The following ADGRB3 variants were observed in gnomAD, a reference collection of about 807,000 sequenced individuals.
The protein encoded by ADGRB3 is brain-specific angiogenesis inhibitor 3.
In ADGRB3, 37 loss-of-function variants were observed where a neutral mutation model predicts 193.4. The ratio of observed to expected loss-of-function variants is 0.19; its 90% CI spans 0.15 to 0.25. The LOEUF (loss-of-function observed/expected upper bound fraction) is 0.25, where lower values mean the gene tolerates loss of function less well. ADGRB3 is among the 10% of genes least tolerant of loss of function. The pLI is 1.00. For synonymous variants in ADGRB3, 690 were observed against 644.2 expected, an observed-to-expected ratio of 1.07 and a Z score of -1.08; for missense variants, 1,637 against 1,852.9, an observed-to-expected ratio of 0.88 and a Z score of 2.14.
chr6:68,706,226 A>G lies in ADGRB3; in HGVS notation c.757+66794A>G, dbSNP rs535626858. 3.9e-5 allele frequency among the ~76,000 whole-genome samples: 6 copies of G among 152,254 alleles called. No homozygotes were observed. In the East Asian group the frequency reaches 1.2e-3, roughly 29 times the overall value. On this transcript the variant is annotated intron_variant, in intron 3 of 31. Coordinates refer to ENST00000370598, the MANE Select transcript of ADGRB3 (RefSeq NM_001704.3). ...CCCCAAAGGAGCAAAGAGAAGAAGGAACATTATAGGGTCTGGGACTTAGAG... is the reference window on the plus strand; with the variant it reads ...CCCCAAAGGAGCAAAGAGAAGAAGGGACATTATAGGGTCTGGGACTTAGAG...
At chr6:69,291,280 G>A (rs1042105935) in intron 20 of ADGRB3, among the ~76,000 whole-genome samples, 2 of 151,974 alleles carry the variant, frequency 1.3e-5, no homozygotes, top group Admixed American at 6.6e-5. Flanking sequence ...AGCATTACTT[G>A]AGCATGTACT....
intron 13 of ADGRB3, among the ~76,000 whole-genome samples, chr6:69,040,856 A>T (rs1441839741): frequency 6.6e-6 from 1 of 152,182 alleles, no homozygotes; most frequent in Admixed American, 6.5e-5. Context: ...AAATGAACAC[A>T]TAAAATGCTA....
chr6:68,850,562 A>G (rs13208283), intron 3 of ADGRB3, among the ~76,000 whole-genome samples: 1 of 141,724 alleles, frequency 7.1e-6, no homozygotes, highest in South Asian at 2.2e-4. Context: ...GACTATGTCA[A>G]GTTTACTTGA....
At chr6:69,037,428 G>A (rs947512903) in intron 13 of ADGRB3, among the ~76,000 whole-genome samples, 6 of 152,096 alleles carry the variant, frequency 3.9e-5, no homozygotes, top group African/African-American at 1.4e-4. Flanking sequence ...CCACAAAACT[G>A]AAAATATTTC....
Position 68,772,850 on chromosome 6 carries a change from T to G in ADGRB3, c.757+133418T>G, listed in dbSNP as rs182759691. Among the ~76,000 whole-genome samples the G allele has an allele frequency of 2.0e-3, 239 of 118,314 alleles. 6 individuals are homozygous for G. The highest frequency in any genetic ancestry group is 7.1e-3 in the African/African-American group (226 of 31,954). 77.6% of individuals were successfully genotyped at this position (118,314 alleles called of 152,430 possible). A position where few individuals can be genotyped will look rare whatever the true frequency, so the allele number is the denominator to read the frequency against. ...CTGGGCAACATGGTGAAAACCTATTTCTAAAAACAAACAAACAAACAAACA... is the reference window on the plus strand; with the variant it reads ...CTGGGCAACATGGTGAAAACCTATTGCTAAAAACAAACAAACAAACAAACA... On this transcript the variant is annotated intron_variant, in intron 3 of 31. Coordinates refer to ENST00000370598, the MANE Select transcript of ADGRB3 (RefSeq NM_001704.3).
At chr6:69,157,808 A>C (rs1774883990) in intron 17 of ADGRB3, among the ~76,000 whole-genome samples, 1 of 152,166 alleles carries the variant, frequency 6.6e-6, no homozygotes, top group Non-Finnish European at 1.5e-5. Flanking sequence ...CCAACTTATG[A>C]CAATAAAAGA....
At chr6:68,840,223 C>T (rs1383753592) in intron 3 of ADGRB3, among the ~76,000 whole-genome samples, 1 of 152,036 alleles carries the variant, frequency 6.6e-6, no homozygotes, top group Non-Finnish European at 1.5e-5. Flanking sequence ...AGACACCAAG[C>T]TGGGGTGGCC....
At chr6:69,229,555 C>T (rs552696541) in intron 17 of ADGRB3, among the ~76,000 whole-genome samples, 3 of 152,216 alleles carry the variant, frequency 2.0e-5, no homozygotes, top group Non-Finnish European at 4.4e-5. Flanking sequence ...AAATAATTTA[C>T]ATGCTGATTT....
At chr6:69,001,998 G>A (rs1393451572) in intron 11 of ADGRB3, among the ~76,000 whole-genome samples, 2 of 152,032 alleles carry the variant, frequency 1.3e-5, no homozygotes, top group Non-Finnish European at 2.9e-5. Flanking sequence ...CCTTGAAACA[G>A]GTCATTACTC....
intron 17 of ADGRB3, among the ~76,000 whole-genome samples, chr6:69,115,068 C>T (rs1773490384): frequency 6.6e-6 from 1 of 152,104 alleles, no homozygotes; most frequent in Admixed American, 6.5e-5. Context: ...CCAGAAATAC[C>T]ATTTGACCCA....
At chr6:69,090,257 A>G (rs1772667597) in intron 17 of ADGRB3, among the ~76,000 whole-genome samples, 1 of 152,230 alleles carries the variant, frequency 6.6e-6, no homozygotes. Flanking sequence ...CTATGAGGTC[A>G]TCGCCTTCTT....
At chr6:68,705,113 A>G (rs1253943577) in intron 3 of ADGRB3, among the ~76,000 whole-genome samples, 1 of 152,182 alleles carries the variant, frequency 6.6e-6, no homozygotes, top group African/African-American at 2.4e-5. Context: ...GCTACTATTT[A>G]TTATTAGGCA....
At chr6:69,272,482 A>G (rs533455743) in intron 20 of ADGRB3, among the ~76,000 whole-genome samples, 4 of 152,364 alleles carry the variant, frequency 2.6e-5, no homozygotes, top group African/African-American at 9.6e-5. Context: ...TGCCCAAGTG[A>G]AAAAGACATA....
At chr6:68,802,732 A>G (rs1478415413) in intron 3 of ADGRB3, among the ~76,000 whole-genome samples, 2 of 152,208 alleles carry the variant, frequency 1.3e-5, no homozygotes, top group East Asian at 3.8e-4. Flanking sequence ...TATCTACACA[A>G]TGCCATGGAT....
intron 17 of ADGRB3, among the ~76,000 whole-genome samples, chr6:69,217,318 G>A (rs1340891332): frequency 6.6e-6 from 1 of 152,140 alleles, no homozygotes; most frequent in African/African-American, 2.4e-5. Context: ...AAAGGTCTGA[G>A]ATACTGCCCT....
At chr6:69,180,883 A>G (rs1006433739) in intron 17 of ADGRB3, among the ~76,000 whole-genome samples, 2 of 152,130 alleles carry the variant, frequency 1.3e-5, no homozygotes, top group Non-Finnish European at 2.9e-5. Flanking sequence ...ATGCCCCGGG[A>G]TTAAAAATGG....
At chr6:68,718,507 CA>C (rs764603237) in intron 3 of ADGRB3, among the ~76,000 whole-genome samples, 5 of 151,774 alleles carry the variant, frequency 3.3e-5, no homozygotes, top group Non-Finnish European at 7.4e-5. Context: ...ACTCATTGAA[CA>C]AGTCTTATGT....
chr6:69,263,220 ACT>A (rs1429426705), intron 20 of ADGRB3, among the ~76,000 whole-genome samples: 1 of 152,042 alleles, frequency 6.6e-6, no homozygotes, highest in South Asian at 2.1e-4. Flanking sequence ...TTTTTGCAGA[ACT>A]GACACTGACA....
chr6:69,011,782 A>C (rs1370510075), intron 11 of ADGRB3, among the ~76,000 whole-genome samples: 1 of 152,048 alleles, frequency 6.6e-6, no homozygotes, highest in Admixed American at 6.6e-5. Context: ...AACAAGAAAG[A>C]CTTAGTCTCA....
Sources: gnomAD v4.1 joint callset for allele counts (sites outside exome capture counted in the v4.1 genomes callset) on GRCh38, gnomAD v4.1.1 for gene constraint, MANE v1.5 for transcripts, NCBI Gene and HGNC (gene_info 2026-07-23, HGNC 2026-07-21) for gene names.